Variants in CPLANE1 observed in about 807,000 individuals in gnomAD.
CPLANE1 encodes the protein ciliogenesis and planar polarity effector 1.
Under a neutral mutation model 362.5 loss-of-function variants are expected in CPLANE1, and 263 were observed. That is an observed-to-expected ratio of 0.73 (90% CI 0.66 to 0.80). The LOEUF (loss-of-function observed/expected upper bound fraction) is 0.80, where lower values mean the gene tolerates loss of function less well. Ranked by LOEUF, CPLANE1 falls within the 30% of genes least tolerant of loss-of-function variation. The pLI is 0.00. For missense variants in CPLANE1, 3,461 were observed against 3,793.4 expected, an observed-to-expected ratio of 0.91 and a Z score of 2.30; for synonymous variants, 1,212 against 1,302.6, an observed-to-expected ratio of 0.93 and a Z score of 1.50.
rs1050253934 is a variant in CPLANE1 at position 37,224,727 on chromosome 5, A to T, written c.2305T>A (p.Trp769Arg). 1.9e-6 allele frequency: 3 copies of T among 1,548,184 alleles called. No individual in the cohort carries two copies. Among genetic ancestry groups the T allele is most frequent in the Non-Finnish European group, 2.6e-6 (3 of 1,144,240 alleles). ...QQPGHRLLIL[W>R]RILYKKTLWY... The stretch of plus-strand genomic sequence containing the variant: ...AAAGTTTTTTTGTACAGTATTCTCC[A>T]GAGAATAAGCAATCTGCACATAAAA... The change falls in exon 13 of 53, where the codon TGG becomes AGG. Residue 769 changes from tryptophan (W) to arginine (R), a missense_variant. By Grantham distance (101) the Trp-to-Arg change is moderately radical. This residue lies in a region of CPLANE1 where 3,380 missense variants were observed against 3,666.1 expected (regional missense o/e 0.92). Coordinates refer to ENST00000651892, the MANE Select transcript of CPLANE1 (RefSeq NM_001384732.1).
At chr5:37,159,302 G>A (rs1335395078) in intron 38 of CPLANE1, among the ~76,000 whole-genome samples, 5 of 128,498 alleles carry the variant, frequency 3.9e-5, no homozygotes, top group Admixed American at 7.8e-5. Context: ...TAGTAGAGAC[G>A]GGGTTTCACC....
chr5:37,231,892 A>ATCAAAAAGATTAG (rs1222670609), intron 8 of CPLANE1, among the ~76,000 whole-genome samples: 3 of 152,184 alleles, frequency 2.0e-5, no homozygotes, highest in African/African-American at 7.2e-5. Flanking sequence ...TCCTCAGAAA[A>ATCAAAAAGATTAG]TGACAGACAC....
chr5:37,239,041 T>C (rs1372306241), intron 7 of CPLANE1, 81 bp from the exon 8 acceptor site: 1 of 663,656 alleles, frequency 1.5e-6, no homozygotes, highest in African/African-American at 1.8e-5. Flanking sequence ...GACACAGAGA[T>C]CTATTATTAT....
chr5:37,121,925 G>C lies in CPLANE1; in HGVS notation c.9018-141C>G, dbSNP rs989774213. On this transcript the variant is annotated intron_variant, in intron 48 of 52. Transcript: ENST00000651892. ...ACGGAGTTTCACTCTTGTCACCCAG[G>C]CTGGATTGCAATGGCGTGATCTCGG... 9 of 663,504 alleles carry C rather than the reference G, an allele frequency of 1.4e-5. No homozygotes were observed. The East Asian group carries it at 2.8e-4, about 21-fold the overall frequency. The allele number at this position is 663,504 out of a possible 1,614,324, so 41.1% of individuals were successfully genotyped here. A position where few individuals can be genotyped will look rare whatever the true frequency, so the allele number is the denominator to read the frequency against.
intron 29 of CPLANE1, among the ~76,000 whole-genome samples, chr5:37,177,946 G>A (rs1445193142): frequency 6.6e-6 from 1 of 152,142 alleles, no homozygotes; most frequent in African/African-American, 2.4e-5. Flanking sequence ...GATTGTGTCA[G>A]TAGACTAACA....
intron 21 of CPLANE1, among the ~76,000 whole-genome samples, chr5:37,189,960 C>T (rs1785040844): frequency 6.6e-6 from 1 of 151,462 alleles, no homozygotes; most frequent in South Asian, 2.1e-4. Flanking sequence ...GATCACGCCA[C>T]TGCACTCCAG....
chr5:37,144,922 A>C (rs918531765), intron 43 of CPLANE1, among the ~76,000 whole-genome samples: 2 of 152,178 alleles, frequency 1.3e-5, no homozygotes, highest in African/African-American at 4.8e-5. Context: ...AAACGTTGAG[A>C]AATCTTAACT....
chr5:37,157,359 C>T lies in CPLANE1; in HGVS notation c.8073G>A (p.Glu2691=), dbSNP rs766006308. Residue 2691 remains glutamate, a synonymous_variant, in exon 41 of 53, where the codon GAG becomes GAA. Transcript: ENST00000651892. Reference sequence around the variant, plus strand: ...ATGGTGTAGGTGAGGTGACACTAGGCTCCTTCACTTCTGTAATGCCTGCTC... The same window carrying T: ...ATGGTGTAGGTGAGGTGACACTAGGTTCCTTCACTTCTGTAATGCCTGCTC... The part of the protein sequence containing the change: ...SLRAGITEVK[E]PSVTSPTPSD... The T allele has an allele frequency of 1.4e-6, 2 of 1,393,772 alleles. No individual in the cohort carries two copies. Among genetic ancestry groups the T allele is most frequent in the Admixed American group, 1.9e-5 (1 of 53,828 alleles). 86.3% of individuals were successfully genotyped at this position (1,393,772 alleles called of 1,614,324 possible). A position where few individuals can be genotyped will look rare whatever the true frequency, so the allele number is the denominator to read the frequency against.
chr5:37,078,002 G>A, the CPLANE1 span, among the ~76,000 whole-genome samples: 4 of 152,132 alleles, frequency 2.6e-5, no homozygotes, highest in Non-Finnish European at 5.9e-5. Flanking sequence ...ATCCTCCTGC[G>A]TCAGCCTCCC....
chr5:37,115,112 G>T, intron 50 of CPLANE1, 63 bp from the exon 51 acceptor site: 1 of 1,060,864 alleles, frequency 9.4e-7, no homozygotes, highest in Non-Finnish European at 1.4e-6. Context: ...TATATATTGT[G>T]AGTTATTTGA....
chr5:37,210,179 A>G (rs1183564165), intron 16 of CPLANE1: 2 of 1,365,800 alleles, frequency 1.5e-6, no homozygotes, highest in African/African-American at 2.8e-5. Flanking sequence ...AGAGAATTCA[A>G]AAGCACCAAG....
chr5:37,225,879 G>T (rs539791134), intron 12 of CPLANE1, among the ~76,000 whole-genome samples: 2 of 147,680 alleles, frequency 1.4e-5, no homozygotes, highest in Admixed American at 6.7e-5. Context: ...AAAAAAAGAG[G>T]TCATTTTTTA....
At chr5:37,091,863 A>T in the CPLANE1 span, among the ~76,000 whole-genome samples, 1 of 152,154 alleles carries the variant, frequency 6.6e-6, no homozygotes, top group Non-Finnish European at 1.5e-5. Context: ...ACCCTACAGG[A>T]TCCACAGCCC....
At chr5:37,190,626 G>T in intron 21 of CPLANE1, among the ~76,000 whole-genome samples, 1 of 152,086 alleles carries the variant, frequency 6.6e-6, no homozygotes, top group East Asian at 1.9e-4. Flanking sequence ...CTATAGAAAA[G>T]ACATATTTGA....
At chr5:37,089,491 A>T in the CPLANE1 span, among the ~76,000 whole-genome samples, 2 of 152,170 alleles carry the variant, frequency 1.3e-5, no homozygotes, top group African/African-American at 4.8e-5. Context: ...CAGAGGGCCC[A>T]TGAATTAGTT....
intron 12 of CPLANE1, 46 bp from the exon 13 acceptor site, chr5:37,224,786 T>C (rs1796082131): frequency 6.6e-6 from 9 of 1,367,536 alleles, no homozygotes; most frequent in Non-Finnish European, 8.1e-6. Flanking sequence ...TTCAGGCTAA[T>C]GATGAGTTTA....
At chr5:37,113,910 T>G (rs1760111661) in intron 51 of CPLANE1, among the ~76,000 whole-genome samples, 1 of 152,140 alleles carries the variant, frequency 6.6e-6, no homozygotes, top group Admixed American at 6.5e-5. Flanking sequence ...CCTGCTGGGT[T>G]CAAGTGATTC....
intron 51 of CPLANE1, among the ~76,000 whole-genome samples, chr5:37,111,887 CTG>C (rs971876481): frequency 1.4e-5 from 2 of 147,758 alleles, no homozygotes; most frequent in African/African-American, 2.6e-5. Flanking sequence ...TGAACAAACA[CTG>C]TGTTAAAAAA....
the CPLANE1 span, among the ~76,000 whole-genome samples, chr5:37,093,896 A>C: frequency 6.6e-6 from 1 of 152,176 alleles, no homozygotes; most frequent in African/African-American, 2.4e-5. Flanking sequence ...TCTTTGAGCT[A>C]TAGCAAGGGT....
Sources: allele counts gnomAD v4.1 joint callset (sites outside exome capture counted in the v4.1 genomes callset), GRCh38; gene constraint gnomAD v4.1.1; regional missense constraint gnomAD v4.1.1; transcripts MANE v1.5; gene names NCBI Gene and HGNC (gene_info 2026-07-23, HGNC 2026-07-21).